Variants in TMEM132D observed in about 807,000 individuals in gnomAD.
TMEM132D encodes the protein mature OL transmembrane protein.
TMEM132D carries 21 observed loss-of-function variants against 62.3 expected under a neutral mutation model. The observed-to-expected ratio is 0.34, with a 90% CI of 0.24 to 0.49. The LOEUF is 0.49. TMEM132D is among the 20% of genes least tolerant of loss of function. The pLI is 0.99. For missense variants in TMEM132D, 1,346 were observed against 1,402.8 expected, an observed-to-expected ratio of 0.96 and a Z score of 0.65; for synonymous variants, 621 against 575.6, an observed-to-expected ratio of 1.08 and a Z score of -1.13.
intron 4 of TMEM132D, among the ~76,000 whole-genome samples, chr12:129,293,567 C>T (rs1593326134): frequency 1.3e-5 from 2 of 152,140 alleles, no homozygotes; most frequent in Non-Finnish European, 2.9e-5. Flanking sequence ...TACAATTCAC[C>T]ATAATGTAGA....
intron 2 of TMEM132D, among the ~76,000 whole-genome samples, chr12:129,532,180 C>G (rs990148631): frequency 6.6e-6 from 1 of 152,164 alleles, no homozygotes; most frequent in Non-Finnish European, 1.5e-5. Context: ...CTCTTAGTCC[C>G]TCAGCGGAAA....
intron 4 of TMEM132D, among the ~76,000 whole-genome samples, chr12:129,241,504 G>A (rs1879936559): frequency 1.3e-5 from 2 of 152,086 alleles, no homozygotes; most frequent in Admixed American, 1.3e-4. Flanking sequence ...CTTTGTGTAT[G>A]CTATTTCCTC....
intron 1 of TMEM132D, among the ~76,000 whole-genome samples, chr12:129,816,607 G>A (rs111286967): frequency 2.6e-5 from 4 of 152,220 alleles, no homozygotes; most frequent in African/African-American, 9.6e-5. Flanking sequence ...ATATACAAGA[G>A]AGACACAAAT....
rs1193845747 is a variant in TMEM132D, at chr12:129,261,153, GA to G, written c.1300-51491del. Among the ~76,000 whole-genome samples the G allele has an allele frequency of 2.0e-5, 3 of 152,064 alleles. No individual in the cohort carries two copies. In the East Asian group the frequency reaches 5.8e-4, roughly 29 times the overall value. On this transcript the variant is annotated intron_variant, in intron 4 of 8. Coordinates refer to ENST00000422113, the MANE Select transcript of TMEM132D (RefSeq NM_133448.3). ...AGCAGTGTAAAAGGGTTCTAAGTGA[GA>G]TTTTTTTAAAAGGGCTGTTTATTAG...
chr12:129,734,753 G>A (rs900198019), intron 1 of TMEM132D, among the ~76,000 whole-genome samples: 1 of 152,076 alleles, frequency 6.6e-6, no homozygotes, highest in Non-Finnish European at 1.5e-5. Flanking sequence ...AAAGCAAAGG[G>A]TTAAACTCTA....
chr12:129,083,608 A>G (rs1013346466), intron 6 of TMEM132D, among the ~76,000 whole-genome samples: 9 of 152,188 alleles, frequency 5.9e-5, no homozygotes, highest in Admixed American at 2.6e-4. Flanking sequence ...CCCAGGGGCC[A>G]TGGGACCAAA....
chr12:129,516,420 A>T (rs550316709), intron 3 of TMEM132D, among the ~76,000 whole-genome samples: 29 of 152,340 alleles, frequency 1.9e-4, no homozygotes, highest in Admixed American at 3.3e-4. Flanking sequence ...ATGGACTCAC[A>T]GTTCCACGTG....
At chr12:129,528,880 C>G (rs1010990970) in intron 3 of TMEM132D, among the ~76,000 whole-genome samples, 2 of 152,240 alleles carry the variant, frequency 1.3e-5, no homozygotes, top group African/African-American at 4.8e-5. Context: ...TAAGCAAAGC[C>G]TTCCTAGCTG....
In TMEM132D at chr12:129,715,792, G is replaced by C. The variant is rs118181552; in HGVS notation, c.80-15094C>G. On this transcript the variant is annotated intron_variant, in intron 1 of 8. Coordinates refer to ENST00000422113, the MANE Select transcript of TMEM132D (RefSeq NM_133448.3). ...ACCTTTTTGTGAATATCATCTTTTA[G>C]CAAAGAGGAAGAGGAGACGCTGGTG... 1.3e-4 allele frequency among the ~76,000 whole-genome samples: 20 copies of C among 152,272 alleles called. No homozygotes were observed. The East Asian group carries it at 3.9e-3, about 29-fold the overall frequency.
chr12:129,090,904 T>G (rs1198481957), intron 5 of TMEM132D, among the ~76,000 whole-genome samples: 2 of 152,076 alleles, frequency 1.3e-5, no homozygotes, highest in Non-Finnish European at 2.9e-5. Context: ...TTGACCAGCT[T>G]TATTTATGGT....
chr12:129,568,359 G>A (rs1877423140), intron 2 of TMEM132D, among the ~76,000 whole-genome samples: 1 of 152,194 alleles, frequency 6.6e-6, no homozygotes, highest in African/African-American at 2.4e-5. Flanking sequence ...CCAACGCACT[G>A]ACAAACGCAA....
In TMEM132D at chr12:129,692,603, C is replaced by T. The variant is rs558531922; in HGVS notation, c.968+7207G>A. Among the ~76,000 whole-genome samples the T allele has an allele frequency of 2.6e-5, 4 of 152,276 alleles. No individual in the cohort carries two copies. In the South Asian group the frequency reaches 8.3e-4, roughly 32 times the overall value. The stretch of plus-strand genomic sequence containing the variant: ...CAAAGACATGGAATAGACCCAAATG[C>T]CCATCAATGATAGACTGGATAAAGA... On this transcript the variant is annotated intron_variant, in intron 2 of 8. Coordinates refer to ENST00000422113, the MANE Select transcript of TMEM132D (RefSeq NM_133448.3).
At chr12:129,228,847 T>C (rs1211572832) in intron 4 of TMEM132D, among the ~76,000 whole-genome samples, 3 of 152,260 alleles carry the variant, frequency 2.0e-5, no homozygotes, top group African/African-American at 2.4e-5. Flanking sequence ...GTTTGGACTG[T>C]ACAGATTTAA....
At chr12:129,632,834 T>C (rs1487180676) in intron 2 of TMEM132D, among the ~76,000 whole-genome samples, 2 of 152,232 alleles carry the variant, frequency 1.3e-5, no homozygotes, top group African/African-American at 4.8e-5. Flanking sequence ...TAACTATTGA[T>C]GACCTTTGTC....
intron 3 of TMEM132D, among the ~76,000 whole-genome samples, chr12:129,367,481 G>C (rs1024844086): frequency 6.6e-6 from 1 of 152,058 alleles, no homozygotes; most frequent in Non-Finnish European, 1.5e-5. Context: ...GACCCAGGTT[G>C]TCCCAAAGAC....
In TMEM132D at chr12:129,195,799, G is replaced by A. The variant is rs577121655; in HGVS notation, c.1443+13721C>T. Among the ~76,000 whole-genome samples, 7 of 152,230 alleles carry A rather than the reference G, an allele frequency of 4.6e-5. No individual in the cohort carries two copies. In the South Asian group the frequency reaches 1.5e-3, roughly 32 times the overall value. ...AAATTTGTCATGTTAAATGGATCGT[G>A]TCCATTCAACAACAGAAAAAAACTG... On this transcript the variant is annotated intron_variant, in intron 5 of 8. Coordinates refer to ENST00000422113, the MANE Select transcript of TMEM132D (RefSeq NM_133448.3).
chr12:129,470,417 C>T lies in TMEM132D; in HGVS notation c.1115+60642G>A, dbSNP rs192070884. ...TTTATGTAAGAGAAACTCTGAGGTC[C>T]TCGGAATGATCATTTGTGAAGCCCT... On this transcript the variant is annotated intron_variant, in intron 3 of 8. Coordinates refer to ENST00000422113, the MANE Select transcript of TMEM132D (RefSeq NM_133448.3). Among the ~76,000 whole-genome samples the T allele has an allele frequency of 6.6e-4, 100 of 152,240 alleles. 3 individuals carry two copies. Among genetic ancestry groups the T allele is most frequent in the Admixed American group, 6.5e-3 (99 of 15,292 alleles).
intron 3 of TMEM132D, among the ~76,000 whole-genome samples, chr12:129,363,730 GAATT>G (rs1365070341): frequency 1.3e-5 from 2 of 152,234 alleles, no homozygotes; most frequent in Non-Finnish European, 2.9e-5. Context: ...TGAGGTTGAA[GAATT>G]AATTTGCTGG....
chr12:129,263,632 G>A (rs186696534), intron 4 of TMEM132D, among the ~76,000 whole-genome samples: 10 of 152,258 alleles, frequency 6.6e-5, no homozygotes, highest in Non-Finnish European at 1.3e-4. Flanking sequence ...TGGGCATATA[G>A]AGAGGGAGGG....
Sources: allele counts gnomAD v4.1 joint callset (sites outside exome capture counted in the v4.1 genomes callset), GRCh38; gene constraint gnomAD v4.1.1; transcripts MANE v1.5; gene names NCBI Gene and HGNC (gene_info 2026-07-23, HGNC 2026-07-21).